The following FANCC variants were observed in gnomAD, a reference collection of about 807,000 sequenced individuals.
FANCC encodes the protein Fanconi anemia group C protein.
A neutral mutation model predicts 71.3 loss-of-function variants in FANCC; 55 were observed. That is an observed-to-expected ratio of 0.77 (90% CI 0.62 to 0.97). The LOEUF is 0.97. Among genes scored for constraint, FANCC ranks in the 50% least tolerant of loss-of-function variants. The pLI, the probability that FANCC is intolerant of heterozygous loss-of-function variation, is 0.00. For synonymous variants in FANCC, 275 were observed against 244.9 expected, an observed-to-expected ratio of 1.12 and a Z score of -1.15; for missense variants, 678 against 670.9, an observed-to-expected ratio of 1.01 and a Z score of -0.12.
chr9:95,277,835 G>A (rs1398560453), intron 1 of FANCC, among the ~76,000 whole-genome samples: 5 of 152,116 alleles, frequency 3.3e-5, no homozygotes, highest in Non-Finnish European at 7.4e-5. Context: ...AAAAATGAAG[G>A]TGAAATAAAG....
At chr9:95,285,654 A>C (rs1833646153) in intron 1 of FANCC, among the ~76,000 whole-genome samples, 1 of 152,182 alleles carries the variant, frequency 6.6e-6, no homozygotes, top group South Asian at 2.1e-4. Context: ...AGCCTGGGCA[A>C]CAGGGCAAGA....
chr9:95,302,594 G>A (rs1419905343), intron 1 of FANCC, among the ~76,000 whole-genome samples: 1 of 152,174 alleles, frequency 6.6e-6, no homozygotes, highest in Non-Finnish European at 1.5e-5. Context: ...TCAGTGACCT[G>A]CCTTTAGCCT....
chr9:95,172,447 TA>T (rs1165747188), intron 4 of FANCC, among the ~76,000 whole-genome samples: 1 of 152,190 alleles, frequency 6.6e-6, no homozygotes, highest in Non-Finnish European at 1.5e-5. Context: ...TTAAACTCAG[TA>T]AAATATGTTT....
At chr9:95,264,698 A>G (rs1832282941) in intron 1 of FANCC, among the ~76,000 whole-genome samples, 1 of 152,118 alleles carries the variant, frequency 6.6e-6, no homozygotes. Context: ...TACAAAACAC[A>G]CTAATTATGG....
chr9:95,186,550 T>C (rs1826724248), intron 4 of FANCC: 1 of 152,210 alleles, frequency 6.6e-6, no homozygotes, highest in Non-Finnish European at 1.5e-5. Flanking sequence ...ATATTGGCAA[T>C]ATAAAGGAGA....
At chr9:95,135,089 G>A (rs1015449042) in intron 8 of FANCC, among the ~76,000 whole-genome samples, 10 of 152,140 alleles carry the variant, frequency 6.6e-5, no homozygotes, top group African/African-American at 2.4e-4. Flanking sequence ...AGTCTGTTGT[G>A]CAAATGTCAA....
At chr9:95,284,446 T>C (rs1305748571) in intron 1 of FANCC, among the ~76,000 whole-genome samples, 1 of 152,198 alleles carries the variant, frequency 6.6e-6, no homozygotes, top group Non-Finnish European at 1.5e-5. Context: ...TGGTTCCTAT[T>C]GGTCATATTA....
At chr9:95,145,964 C>CT (rs1428671601) in intron 7 of FANCC, among the ~76,000 whole-genome samples, 8 of 110,160 alleles carry the variant, frequency 7.3e-5, no homozygotes, top group African/African-American at 2.8e-4. Flanking sequence ...AACTCTGATT[C>CT]TTTATTTTTT....
In FANCC at chr9:95,148,077, G is replaced by A. The variant is rs1406235795; in HGVS notation, c.686+1846C>T. ...CTGTGTCTCAGTGGGAATCAGAGCC[G>A]AGACAGCCCTCACGCTACTCTTCAC... On this transcript the variant is annotated intron_variant, in intron 7 of 14. Transcript: ENST00000289081. 3.3e-5 allele frequency among the ~76,000 whole-genome samples: 5 copies of A among 152,262 alleles called. No homozygotes were observed. In the South Asian group the frequency reaches 8.3e-4, roughly 25 times the overall value.
chr9:95,275,205 G>A (rs1214296738), intron 1 of FANCC, among the ~76,000 whole-genome samples: 5 of 151,922 alleles, frequency 3.3e-5, no homozygotes, highest in Non-Finnish European at 7.4e-5. Flanking sequence ...GATCACCTGA[G>A]CCTAGGAGGT....
intron 1 of FANCC, among the ~76,000 whole-genome samples, chr9:95,296,466 A>G (rs1834381518): frequency 6.6e-6 from 1 of 152,032 alleles, no homozygotes; most frequent in African/African-American, 2.4e-5. Flanking sequence ...AAATTTATTG[A>G]TATGTTCCCA....
In FANCC at chr9:95,099,216, T is replaced by C. The variant is rs1388430102; in HGVS notation, c.*2491A>G. 3 of 217,896 alleles carry C rather than the reference T, an allele frequency of 1.4e-5. No individual in the cohort carries two copies. Among genetic ancestry groups the C allele is most frequent in the Non-Finnish European group, 2.8e-5 (3 of 108,674 alleles). 13.5% of individuals were successfully genotyped at this position (217,896 alleles called of 1,614,324 possible). A position where few individuals can be genotyped will look rare whatever the true frequency, so the allele number is the denominator to read the frequency against. On this transcript the variant is annotated 3_prime_UTR_variant, in exon 15 of 15. Transcript: ENST00000289081. The stretch of plus-strand genomic sequence containing the variant: ...CTGTATTTTTGGCTCTCTCTGAGGG[T>C]AGTGGTTTTACCAGCATGCTTTATC...
At chr9:95,202,239 T>TG (rs1361264340) in intron 4 of FANCC, among the ~76,000 whole-genome samples, 1 of 152,170 alleles carries the variant, frequency 6.6e-6, no homozygotes, top group East Asian at 1.9e-4. Flanking sequence ...GGAAGAGAAC[T>TG]GGGGAAACTG....
At chr9:95,240,322 G>C (rs1304025471) in intron 4 of FANCC, among the ~76,000 whole-genome samples, 1 of 152,198 alleles carries the variant, frequency 6.6e-6, no homozygotes, top group East Asian at 1.9e-4. Context: ...CAGGTTGATA[G>C]GGAAAAACAA....
intron 4 of FANCC, among the ~76,000 whole-genome samples, chr9:95,235,222 C>T (rs911496104): frequency 4.0e-5 from 6 of 149,744 alleles, no homozygotes; most frequent in Non-Finnish European, 7.4e-5. Context: ...CACCCAAAGG[C>T]ACCTGATGCA....
At chr9:95,291,577 T>C (rs951905027) in intron 1 of FANCC, among the ~76,000 whole-genome samples, 7 of 151,934 alleles carry the variant, frequency 4.6e-5, no homozygotes, top group Admixed American at 2.6e-4. Flanking sequence ...TTGAAAAAAA[T>C]TGAAGACACA....
At chr9:95,103,364 T>C (rs747998255) in intron 14 of FANCC, among the ~76,000 whole-genome samples, 3 of 151,980 alleles carry the variant, frequency 2.0e-5, no homozygotes, top group Admixed American at 6.5e-5. Context: ...GCACCAAGAG[T>C]GGGTTCAATT....
rs1399559090 is a variant in FANCC at position 95,100,185 on chromosome 9, T to C, written c.*1522A>G. 1 of 232,744 alleles carries C rather than the reference T, an allele frequency of 4.3e-6. No individual in the cohort carries two copies. The highest frequency in any genetic ancestry group is 2.2e-5 in the African/African-American group (1 of 45,218). The allele number at this position is 232,744 out of a possible 1,614,324, so 14.4% of individuals were successfully genotyped here. A position where few individuals can be genotyped will look rare whatever the true frequency, so the allele number is the denominator to read the frequency against. The stretch of plus-strand genomic sequence containing the variant: ...CATGTTTGTTATATGAAGGCAAGGA[T>C]CATGATGGCACGAAGCATGTTATAT... On this transcript the variant is annotated 3_prime_UTR_variant, in exon 15 of 15. Transcript: ENST00000289081.
At chr9:95,185,965 A>AC (rs755764664) in intron 4 of FANCC, among the ~76,000 whole-genome samples, 156 of 152,250 alleles carry the variant, frequency 1.0e-3, no homozygotes, top group Non-Finnish European at 2.0e-3. Context: ...TTCCTCAGAA[A>AC]ATCTGAAATC....
Sources: gnomAD v4.1 joint callset for allele counts (sites outside exome capture counted in the v4.1 genomes callset) on GRCh38, gnomAD v4.1.1 for gene constraint, MANE v1.5 for transcripts, NCBI Gene and HGNC (gene_info 2026-07-23, HGNC 2026-07-21) for gene names.